The following CMKLR1 variants were observed in gnomAD, a reference collection of about 807,000 sequenced individuals.
The protein encoded by CMKLR1 is chemerin chemokine-like receptor 1, also known as chemerin-like receptor 1.
A neutral mutation model predicts 8.2 loss-of-function variants in CMKLR1; 6 were observed. That is an observed-to-expected ratio of 0.73 (90% CI 0.40 to 1.44). The LOEUF (loss-of-function observed/expected upper bound fraction) is 1.44. Among genes scored for constraint, CMKLR1 ranks in the 40% most tolerant of loss-of-function variants. The pLI, the probability that CMKLR1 is intolerant of heterozygous loss-of-function variation, is 0.02. For missense variants in CMKLR1, 429 were observed against 478.0 expected (o/e 0.90, Z 0.96); for synonymous variants, 178 against 181.2 (o/e 0.98, Z 0.14).
intron 2 of CMKLR1, among the ~76,000 whole-genome samples, chr12:108,306,463 C>T (rs978064758): frequency 6.6e-6 from 1 of 152,056 alleles, no homozygotes; most frequent in Non-Finnish European, 1.5e-5. Flanking sequence ...ACTTTCCCCT[C>T]CCTCCCTACC....
intron 1 of CMKLR1, among the ~76,000 whole-genome samples, chr12:108,336,463 G>A (rs11615146): frequency 4.6e-5 from 7 of 151,898 alleles, no homozygotes; most frequent in East Asian, 1.9e-4. Flanking sequence ...GGAGAATGGC[G>A]TGAACCCGGG....
intron 2 of CMKLR1, among the ~76,000 whole-genome samples, chr12:108,308,867 G>T (rs777639517): frequency 6.6e-6 from 1 of 152,172 alleles, no homozygotes; most frequent in African/African-American, 2.4e-5. Context: ...CTGGATCTGA[G>T]TACTGGGGTT....
chr12:108,337,667 C>A (rs1892259622), intron 1 of CMKLR1, among the ~76,000 whole-genome samples: 1 of 152,096 alleles, frequency 6.6e-6, no homozygotes, highest in Non-Finnish European at 1.5e-5. Context: ...GCATGACTTG[C>A]CCAAAGTTAA....
intron 2 of CMKLR1, among the ~76,000 whole-genome samples, chr12:108,308,563 T>C (rs565724260): frequency 6.6e-6 from 1 of 152,226 alleles, no homozygotes; most frequent in East Asian, 1.9e-4. Context: ...CCCATCACTG[T>C]AGGAAGTGTG....
chr12:108,305,930 C>T lies in CMKLR1; in HGVS notation c.-73-12266G>A, dbSNP rs543763007. 1.1e-4 allele frequency among the ~76,000 whole-genome samples: 16 copies of T among 152,322 alleles called. No homozygotes were observed. In the South Asian group the frequency reaches 2.7e-3, roughly 26 times the overall value. The stretch of plus-strand genomic sequence containing the variant: ...CCAGACAGCCCACCTGCTTAGAGGC[C>T]AGGAAAAGCAGCTGATGAGCTCACC... On this transcript the variant is annotated intron_variant, in intron 2 of 3. Transcript: ENST00000550402.
intron 1 of CMKLR1, among the ~76,000 whole-genome samples, chr12:108,336,300 A>C (rs1232080064): frequency 6.6e-6 from 1 of 152,166 alleles, no homozygotes; most frequent in East Asian, 1.9e-4. Flanking sequence ...TAATCCCAGC[A>C]CTTTTGGAGG....
intron 2 of CMKLR1, among the ~76,000 whole-genome samples, chr12:108,310,201 G>A (rs1437959118): frequency 6.6e-6 from 1 of 150,798 alleles, no homozygotes; most frequent in African/African-American, 2.4e-5. Context: ...GTGTGTGTTA[G>A]GGGAGGGGAG....
At chr12:108,293,824 G>A (rs959030667) in intron 2 of CMKLR1, among the ~76,000 whole-genome samples, 160 bp from the exon 3 acceptor site, 1 of 152,222 alleles carries the variant, frequency 6.6e-6, no homozygotes, top group African/African-American at 2.4e-5. Flanking sequence ...CCAAGGTTAT[G>A]CAGCCAGGAA....
At position 108,291,579 on chromosome 12, in the gene CMKLR1, CT is replaced by C. The variant is rs1566016242; in HGVS notation, c.*261del. ...ATGGCAATGCTTTTGAGAATTCTTC[CT>C]TTTTTGCTTTGAGTCAGTCAAGGCT... On this transcript the variant is annotated 3_prime_UTR_variant, in exon 4 of 4. Transcript: ENST00000550402. The C allele has an allele frequency of 4.5e-6, 2 of 446,166 alleles. No homozygotes were observed. Among genetic ancestry groups the C allele is most frequent in the South Asian group, 6.5e-5 (2 of 30,980 alleles). The allele number at this position is 446,166 out of a possible 1,614,324, so 27.6% of individuals were successfully genotyped here.
intron 2 of CMKLR1, among the ~76,000 whole-genome samples, chr12:108,314,393 G>A (rs1330758701): frequency 2.0e-5 from 3 of 152,294 alleles, no homozygotes; most frequent in African/African-American, 7.2e-5. Flanking sequence ...GATGCTAGGA[G>A]CAGAAGGACT....
intron 2 of CMKLR1, among the ~76,000 whole-genome samples, chr12:108,322,246 C>A (rs921249257): frequency 1.3e-5 from 2 of 152,156 alleles, no homozygotes; most frequent in African/African-American, 4.8e-5. Context: ...AGAAAGCACC[C>A]CTTACCTGGT....
At chr12:108,334,344 T>C (rs1285333960) in intron 1 of CMKLR1, among the ~76,000 whole-genome samples, 1 of 152,230 alleles carries the variant, frequency 6.6e-6, no homozygotes, top group East Asian at 1.9e-4. Flanking sequence ...CCACATGCAT[T>C]TATTCACACA....
rs369716757 is a variant in CMKLR1, at chr12:108,292,963, C to T, written c.4-4G>A. ...TGTAATCTTCATCCTCCATTCTCTG[C>T]AAGAGAAGACAGGGACCATTAGAGG... On this transcript the variant is annotated splice_region_variant and splice_polypyrimidine_tract_variant and intron_variant, in intron 3 of 3. Coordinates refer to ENST00000550402, the MANE Select transcript of CMKLR1 (RefSeq NM_001142343.2). 51 of 1,598,360 alleles carry T rather than the reference C, an allele frequency of 3.2e-5. No individual in the cohort carries two copies. The highest frequency in any genetic ancestry group is 4.0e-5 in the Non-Finnish European group (47 of 1,170,804).
intron 2 of CMKLR1, among the ~76,000 whole-genome samples, chr12:108,315,820 G>C (rs112505963): frequency 2.0e-5 from 3 of 152,320 alleles, no homozygotes; most frequent in African/African-American, 7.2e-5. Flanking sequence ...AAGGACCACA[G>C]AATGTCCAAA....
chr12:108,315,756 T>G (rs1891708227), intron 2 of CMKLR1, among the ~76,000 whole-genome samples: 1 of 152,190 alleles, frequency 6.6e-6, no homozygotes, highest in South Asian at 2.1e-4. Flanking sequence ...AGACTGAGCC[T>G]TAGTTCACTG....
chr12:108,303,850 C>T (rs1378004582), intron 2 of CMKLR1, among the ~76,000 whole-genome samples: 1 of 152,234 alleles, frequency 6.6e-6, no homozygotes, highest in Admixed American at 6.5e-5. Flanking sequence ...ACAGGAGAAG[C>T]CTTTGGAGGC....
intron 2 of CMKLR1, among the ~76,000 whole-genome samples, chr12:108,303,381 G>C (rs1053503549): frequency 1.3e-5 from 2 of 152,204 alleles, no homozygotes; most frequent in African/African-American, 2.4e-5. Flanking sequence ...CAGAACAAAA[G>C]CCTCCAATGG....
chr12:108,334,718 C>T (rs552395588), intron 1 of CMKLR1, among the ~76,000 whole-genome samples: 30 of 152,276 alleles, frequency 2.0e-4, no homozygotes, highest in Non-Finnish European at 4.0e-4. Flanking sequence ...AGATGTTTTT[C>T]GTTCAAATCC....
intron 2 of CMKLR1, among the ~76,000 whole-genome samples, chr12:108,328,044 A>C (rs1384994529): frequency 6.6e-6 from 1 of 152,144 alleles, no homozygotes; most frequent in Admixed American, 6.5e-5. Flanking sequence ...TCCCCTCCCC[A>C]GAGTCGTGTT....
Sources: gnomAD v4.1 joint callset for allele counts (sites outside exome capture counted in the v4.1 genomes callset) on GRCh38, gnomAD v4.1.1 for gene constraint, MANE v1.5 for transcripts, NCBI Gene and HGNC (gene_info 2026-07-23, HGNC 2026-07-21) for gene names.